Variants in FRMD5 observed in about 807,000 individuals in gnomAD.
FRMD5 encodes FERM domain containing 5.
A neutral mutation model predicts 69.0 loss-of-function variants in FRMD5; 20 were observed. The observed-to-expected ratio is 0.29, with a 90% CI of 0.20 to 0.42. The LOEUF (loss-of-function observed/expected upper bound fraction) is 0.42. Ranked by LOEUF, FRMD5 falls within the 10% of genes least tolerant of loss-of-function variation. The pLI is 1.00. For synonymous variants in FRMD5, 271 were observed against 260.1 expected, an observed-to-expected ratio of 1.04 and a Z score of -0.40; for missense variants, 595 against 708.6, an observed-to-expected ratio of 0.84 and a Z score of 1.82.
At chr15:44,047,998 A>C (rs1006748563) in intron 1 of FRMD5, among the ~76,000 whole-genome samples, 2 of 152,178 alleles carry the variant, frequency 1.3e-5, no homozygotes, top group African/African-American at 4.8e-5. Flanking sequence ...GCTATTATGA[A>C]AAATGCTGCT....
intron 1 of FRMD5, among the ~76,000 whole-genome samples, chr15:44,163,618 T>G (rs936539723): frequency 2.0e-5 from 3 of 152,224 alleles, no homozygotes; most frequent in Non-Finnish European, 4.4e-5. Flanking sequence ...TACTGAGAAT[T>G]TGGCTTCAGT....
In FRMD5 at chr15:44,143,643, C is replaced by A. The variant is rs188555442; in HGVS notation, c.102+51310G>T. ...CTAGATGGTAGAAAGTATTATCTTT[C>A]GGCTGGGCGCGATGGCTCACGCCTG... On this transcript the variant is annotated intron_variant, in intron 1 of 13. Coordinates refer to ENST00000417257, the MANE Select transcript of FRMD5 (RefSeq NM_032892.5). Among the ~76,000 whole-genome samples the A allele has an allele frequency of 8.0e-5, 12 of 150,650 alleles. No homozygotes were observed. The East Asian group carries it at 1.6e-3, about 20-fold the overall frequency.
chr15:43,882,561 G>A (rs540175735), intron 13 of FRMD5, among the ~76,000 whole-genome samples: 2 of 152,188 alleles, frequency 1.3e-5, no homozygotes, highest in East Asian at 3.9e-4. Context: ...GTTTCACCAT[G>A]TTGGCCAGGC....
chr15:44,195,268 C>T lies in FRMD5; in HGVS notation c.-214G>A, dbSNP rs974708488. The T allele has an allele frequency of 4.4e-5, 23 of 526,274 alleles. No homozygotes were observed. The highest frequency in any genetic ancestry group is 7.7e-5 in the Non-Finnish European group (23 of 300,534). The allele number at this position is 526,274 out of a possible 1,614,324, so 32.6% of individuals were successfully genotyped here. A position where few individuals can be genotyped will look rare whatever the true frequency, so the allele number is the denominator to read the frequency against. On this transcript the variant is annotated 5_prime_UTR_variant, in exon 1 of 14. Transcript: ENST00000417257. ...CCCCCAGCCCAGATCAAGCGCCGGG[C>T]TCTGTCTCCTCGGCGCCCCAGTGCC... is the stretch of plus-strand genomic sequence containing the variant.
intron 1 of FRMD5, among the ~76,000 whole-genome samples, chr15:43,973,687 G>A (rs1029176618): frequency 6.6e-6 from 1 of 152,012 alleles, no homozygotes; most frequent in African/African-American, 2.4e-5. Flanking sequence ...CTTTAAGTCA[G>A]AAGATCATAT....
intron 1 of FRMD5, among the ~76,000 whole-genome samples, chr15:44,042,716 C>G (rs938487557): frequency 6.6e-6 from 1 of 152,156 alleles, no homozygotes; most frequent in South Asian, 2.1e-4. Context: ...AGGCCTTTGA[C>G]GAAATTCAAC....
At chr15:43,883,843 G>C (rs775670072) in intron 12 of FRMD5, 34 bp from the exon 13 acceptor site, 1 of 1,500,888 alleles carries the variant, frequency 6.7e-7, no homozygotes, top group Non-Finnish European at 9.3e-7. Context: ...TGTTAATTCA[G>C]TGCATGGACA....
intron 13 of FRMD5, among the ~76,000 whole-genome samples, chr15:43,881,220 G>T (rs573016828): frequency 1.3e-5 from 2 of 152,222 alleles, no homozygotes; most frequent in African/African-American, 4.8e-5. Flanking sequence ...TCTCTGTGGA[G>T]GATGGGGATG....
chr15:44,048,437 C>T (rs1227725845), intron 1 of FRMD5, among the ~76,000 whole-genome samples: 1 of 151,996 alleles, frequency 6.6e-6, no homozygotes, highest in Non-Finnish European at 1.5e-5. Flanking sequence ...TGTAAGAGTT[C>T]TTCATATATT....
chr15:44,155,877 G>A (rs1029879287), intron 1 of FRMD5, among the ~76,000 whole-genome samples: 3 of 151,986 alleles, frequency 2.0e-5, no homozygotes, highest in Non-Finnish European at 4.4e-5. Context: ...TTACAGGTGT[G>A]AGCCAACACG....
At chr15:44,176,860 T>TA (rs900911747) in intron 1 of FRMD5, among the ~76,000 whole-genome samples, 4 of 148,054 alleles carry the variant, frequency 2.7e-5, no homozygotes, top group South Asian at 2.1e-4. Flanking sequence ...ATGGCTGTAA[T>TA]AAAAAAAGGC....
rs557314733 is a variant in FRMD5 at position 43,968,454 on chromosome 15, T to C, written c.103-44145A>G. On this transcript the variant is annotated intron_variant, in intron 1 of 13. Coordinates refer to ENST00000417257, the MANE Select transcript of FRMD5 (RefSeq NM_032892.5). ...TAATTGACCCTTTTTCTCAGAAGAA[T>C]TTCCTGGGAATTTCATTTTTTTCAA... Among the ~76,000 whole-genome samples the C allele has an allele frequency of 5.9e-5, 9 of 152,302 alleles. No homozygotes were observed. In the East Asian group the frequency reaches 1.7e-3, roughly 29 times the overall value.
intron 1 of FRMD5, chr15:44,063,850 G>A (rs1036925132): frequency 5.5e-5 from 15 of 274,940 alleles, no homozygotes; most frequent in African/African-American, 3.0e-4. Context: ...TCATTTAGAC[G>A]GGGGAACCAA....
At chr15:44,080,671 T>G (rs1230324503) in intron 1 of FRMD5, among the ~76,000 whole-genome samples, 1 of 152,082 alleles carries the variant, frequency 6.6e-6, no homozygotes, top group Admixed American at 6.6e-5. Flanking sequence ...CATAATAGAT[T>G]ATACACTCTT....
chr15:44,177,829 A>G (rs1419231452), intron 1 of FRMD5, among the ~76,000 whole-genome samples: 2 of 152,200 alleles, frequency 1.3e-5, no homozygotes, highest in Non-Finnish European at 2.9e-5. Flanking sequence ...GTAAGGACAG[A>G]AATCAGGTTT....
At chr15:44,027,456 AT>A (rs1384332740) in intron 1 of FRMD5, among the ~76,000 whole-genome samples, 2 of 152,146 alleles carry the variant, frequency 1.3e-5, no homozygotes, top group Non-Finnish European at 2.9e-5. Context: ...CTTCATGTTT[AT>A]AAGGACAAAA....
intron 1 of FRMD5, among the ~76,000 whole-genome samples, chr15:44,053,992 G>A (rs1892769978): frequency 6.6e-6 from 1 of 152,220 alleles, no homozygotes; most frequent in Non-Finnish European, 1.5e-5. Flanking sequence ...GTCATCACAT[G>A]TGTGAAAGCA....
At chr15:44,026,537 T>C (rs142837851) in intron 1 of FRMD5, among the ~76,000 whole-genome samples, 1,963 of 152,328 alleles carry the variant, frequency 0.013, 31 homozygotes, top group Middle Eastern at 0.034. Context: ...CAGCTTATTA[T>C]TTATTTACTC....
chr15:43,892,188 G>T (rs2140373389), intron 7 of FRMD5, 119 bp from the exon 8 acceptor site: 5 of 837,378 alleles, frequency 6.0e-6, no homozygotes, highest in Non-Finnish European at 9.8e-6. Flanking sequence ...AGAGGGAAAA[G>T]CATATCATCT....
Sources: gnomAD v4.1 joint callset for allele counts (sites outside exome capture counted in the v4.1 genomes callset) on GRCh38, gnomAD v4.1.1 for gene constraint, MANE v1.5 for transcripts, NCBI Gene and HGNC (gene_info 2026-07-23, HGNC 2026-07-21) for gene names.